DNAJB6: variants seen among roughly 807,000 people sequenced by gnomAD.
DNAJB6 encodes DnaJ heat shock protein family (Hsp40) member B6, also known as dnaJ homolog subfamily B member 6.
DNAJB6 carries 16 observed loss-of-function variants against 42.7 expected under a neutral mutation model. The observed-to-expected ratio is 0.37, with a 90% CI of 0.25 to 0.57. The LOEUF (loss-of-function observed/expected upper bound fraction) is 0.57. DNAJB6 is among the 20% of genes least tolerant of loss of function. The pLI is 0.74. For synonymous variants in DNAJB6, 170 were observed against 163.5 expected (o/e 1.04, Z -0.30); for missense variants, 347 against 416.8 (o/e 0.83, Z 1.46).
chr7:157,365,184 G>A (rs1182116480), intron 3 of DNAJB6, among the ~76,000 whole-genome samples: 3 of 152,188 alleles, frequency 2.0e-5, no homozygotes, highest in African/African-American at 7.2e-5. Flanking sequence ...GAACTCCTGG[G>A]CTTAAGTGAT....
chr7:157,409,261 G>A (rs1795883859), intron 8 of DNAJB6, among the ~76,000 whole-genome samples: 1 of 152,236 alleles, frequency 6.6e-6, no homozygotes, highest in African/African-American at 2.4e-5. Context: ...CGGGGCCAGA[G>A]CTGGAGCTGC....
chr7:157,355,193 G>T (rs4716706), intron 1 of DNAJB6, among the ~76,000 whole-genome samples: 1 of 152,048 alleles, frequency 6.6e-6, no homozygotes, highest in Non-Finnish European at 1.5e-5. Flanking sequence ...TCTCACTGTC[G>T]TCCAGGTTGG....
At position 157,409,991 on chromosome 7, in the gene DNAJB6, G is replaced by A. The variant is rs764479230; in HGVS notation, c.888G>A (p.Ala296=). 4 of 1,530,814 alleles carry A rather than the reference G, an allele frequency of 2.6e-6. No homozygotes were observed. Among genetic ancestry groups the A allele is most frequent in the South Asian group, 1.2e-5 (1 of 83,344 alleles). The allele number at this position is 1,530,814 out of a possible 1,614,324, so 94.8% of individuals were successfully genotyped here. ...CACCCGGGCCCTGGGACCCCCTCGC[G>A]TCCGCAGCAGGTGTGCAAAGGGAGG... is the stretch of plus-strand genomic sequence containing the variant. ...PRAPGPWDPL[A]SAAGLKEGGK... The change falls in exon 9 of 10, where the codon GCG becomes GCA. Residue 296 remains alanine, a synonymous_variant. Coordinates refer to ENST00000262177, the MANE Select transcript of DNAJB6 (RefSeq NM_058246.4).
chr7:157,351,339 C>G (rs1342559773), intron 1 of DNAJB6, among the ~76,000 whole-genome samples: 1 of 152,068 alleles, frequency 6.6e-6, no homozygotes. Context: ...TATTAAAAAA[C>G]TGTTGTGGGC....
chr7:157,406,701 A>G (rs1461590781), intron 8 of DNAJB6, among the ~76,000 whole-genome samples: 1 of 152,160 alleles, frequency 6.6e-6, no homozygotes, highest in African/African-American at 2.4e-5. Flanking sequence ...CGGCCAGCTC[A>G]GCGGCCCGGG....
chr7:157,351,201 A>G (rs955823848), intron 1 of DNAJB6, among the ~76,000 whole-genome samples: 1 of 151,908 alleles, frequency 6.6e-6, no homozygotes, highest in South Asian at 2.1e-4. Flanking sequence ...GAGCCACCAT[A>G]CCTGTCCTGT....
chr7:157,361,920 C>G (rs892367812), intron 2 of DNAJB6, among the ~76,000 whole-genome samples: 1 of 152,232 alleles, frequency 6.6e-6, no homozygotes, highest in Middle Eastern at 3.4e-3. Context: ...AGGTGCGTGC[C>G]TTCATGTCCG....
Position 157,358,566 on chromosome 7 carries a change from G to C in DNAJB6, c.-7G>C. The C allele has an allele frequency of 3.7e-6, 6 of 1,612,886 alleles. No individual in the cohort carries two copies. Among genetic ancestry groups the C allele is most frequent in the Non-Finnish European group, 4.2e-6 (5 of 1,179,128 alleles). On this transcript the variant is annotated 5_prime_UTR_variant, in exon 2 of 10. Transcript: ENST00000262177. ...TTGCAGGACCCATTCCAACAATCTC[G>C]TAAAACATGGTGGATTACTATGAAG...
At chr7:157,353,191 G>A (rs955235793) in intron 1 of DNAJB6, among the ~76,000 whole-genome samples, 7 of 151,252 alleles carry the variant, frequency 4.6e-5, no homozygotes, top group African/African-American at 1.7e-4. Context: ...GGCTCCTAAA[G>A]TGTTGAGATT....
chr7:157,372,365 A>C (rs933763050), intron 5 of DNAJB6: 3 of 153,204 alleles, frequency 2.0e-5, no homozygotes, highest in Non-Finnish European at 4.4e-5. Context: ...GCTGGGGCTC[A>C]TATCCAGCGA....
chr7:157,346,654 T>C (rs1357259632), intron 1 of DNAJB6, among the ~76,000 whole-genome samples: 1 of 152,202 alleles, frequency 6.6e-6, no homozygotes, highest in Non-Finnish European at 1.5e-5. Flanking sequence ...ATTCTGAGGT[T>C]AATAAAAAAA....
At chr7:157,385,221 A>G (rs2117091700) in intron 7 of DNAJB6, among the ~76,000 whole-genome samples, 1 of 148,572 alleles carries the variant, frequency 6.7e-6, no homozygotes, top group East Asian at 2.0e-4. Flanking sequence ...TTAATGTAAT[A>G]CAGTGTAATA....
At position 157,358,528 on chromosome 7, in the gene DNAJB6, C is replaced by T; in HGVS notation, c.-26-19C>T. On this transcript the variant is annotated intron_variant, in intron 1 of 9. Coordinates refer to ENST00000262177, the MANE Select transcript of DNAJB6 (RefSeq NM_058246.4). ...CATCCCCAGCAGCCTCATCACTGACCACCTGTTTTTACTTGCAGGACCCAT... is the reference window on the plus strand; with the variant it reads ...CATCCCCAGCAGCCTCATCACTGACTACCTGTTTTTACTTGCAGGACCCAT... The T allele has an allele frequency of 6.5e-7, 1 of 1,542,498 alleles. No homozygotes were observed. The highest frequency in any genetic ancestry group is 9.0e-7 in the Non-Finnish European group (1 of 1,116,114).
Position 157,407,492 on chromosome 7 carries a change from A to G in DNAJB6, c.692-2303A>G, listed in dbSNP as rs141342045. 8.5e-5 allele frequency among the ~76,000 whole-genome samples: 13 copies of G among 152,272 alleles called. No individual in the cohort carries two copies. The East Asian group carries it at 1.7e-3, about 20-fold the overall frequency. On this transcript the variant is annotated intron_variant, in intron 8 of 9. Coordinates refer to ENST00000262177, the MANE Select transcript of DNAJB6 (RefSeq NM_058246.4). The stretch of plus-strand genomic sequence containing the variant: ...AAGTCATGGCGGAGTATTGGGTGCA[A>G]TCCTCCTGGAGGCAGGAACGGGCTT...
chr7:157,358,943 G>A (rs551801243), intron 2 of DNAJB6, among the ~76,000 whole-genome samples: 2 of 152,306 alleles, frequency 1.3e-5, no homozygotes, highest in South Asian at 4.1e-4. Flanking sequence ...ATTCTTGAGT[G>A]CCCCTTTGGA....
At chr7:157,414,747 C>T (rs1466826365) in intron 9 of DNAJB6, 1 of 152,360 alleles carries the variant, frequency 6.6e-6, no homozygotes, top group Non-Finnish European at 1.5e-5. Flanking sequence ...GCAGGCTTGT[C>T]CCTCTCTCGT....
At chr7:157,395,679 CT>C (rs1801547964) in intron 8 of DNAJB6, among the ~76,000 whole-genome samples, 1 of 142,076 alleles carries the variant, frequency 7.0e-6, no homozygotes, top group Admixed American at 7.0e-5. Flanking sequence ...TACGTTTTTT[CT>C]TTTCTTTTTT....
chr7:157,377,713 C>T (rs2117053358), intron 5 of DNAJB6, among the ~76,000 whole-genome samples: 1 of 152,304 alleles, frequency 6.6e-6, no homozygotes, highest in Non-Finnish European at 1.5e-5. Context: ...ATGCTAATCT[C>T]ATCCAGAATC....
rs183151506 is a variant in DNAJB6, at chr7:157,373,076, C to T, written c.346+5593C>T. 1.8e-3 allele frequency among the ~76,000 whole-genome samples: 281 copies of T among 152,146 alleles called. 1 individual carries two copies. The highest frequency in any genetic ancestry group is 2.6e-3 in the Non-Finnish European group (177 of 67,978). ...AGCCACTGTGCCCAGCCACAAGTTC[C>T]CCCTTTTTATAAGGACATCATTTAT... On this transcript the variant is annotated intron_variant, in intron 5 of 9. Coordinates refer to ENST00000262177, the MANE Select transcript of DNAJB6 (RefSeq NM_058246.4).
Sources: gnomAD v4.1 joint callset for allele counts (sites outside exome capture counted in the v4.1 genomes callset) on GRCh38, gnomAD v4.1.1 for gene constraint, MANE v1.5 for transcripts, NCBI Gene and HGNC (gene_info 2026-07-23, HGNC 2026-07-21) for gene names.